Variants in HOMER2 observed in about 807,000 individuals in gnomAD.
HOMER2 encodes homer protein homolog 2.
Under a neutral mutation model 47.0 loss-of-function variants are expected in HOMER2, and 27 were observed. The observed-to-expected ratio is 0.57, with a 90% CI of 0.42 to 0.79. The LOEUF is 0.79. Among genes scored for constraint, HOMER2 ranks in the 30% least tolerant of loss-of-function variants. HOMER2 has a pLI of 0.00. For missense variants in HOMER2, 443 were observed against 435.0 expected (o/e 1.02, Z -0.16); for synonymous variants, 161 against 163.8 (o/e 0.98, Z 0.13).
intron 1 of HOMER2, among the ~76,000 whole-genome samples, chr15:82,921,465 T>C (rs17158157): frequency 0.15 from 22,628 of 152,054 alleles, 2,147 homozygotes; most frequent in East Asian, 0.5. Flanking sequence ...GATACCATGC[T>C]TCCAAATACC....
chr15:82,841,686 T>G (rs948294288), exon 2 of HOMER2: 1 of 152,202 alleles, frequency 6.6e-6, no homozygotes, highest in Admixed American at 6.5e-5. Flanking sequence ...CCAGAACTAT[T>G]ACCCAACTGA....
intron 1 of HOMER2, among the ~76,000 whole-genome samples, chr15:82,895,850 C>G (rs1268681534): frequency 6.6e-6 from 1 of 152,164 alleles, no homozygotes; most frequent in Non-Finnish European, 1.5e-5. Context: ...CCATCCTAGC[C>G]CCCCTTGAAC....
At chr15:82,952,962 C>A (rs1005999469), upstream of HOMER2, among the ~76,000 whole-genome samples, 1 of 152,194 alleles carries the variant, frequency 6.6e-6, no homozygotes, top group African/African-American at 2.4e-5. Context: ...CCACGCCGAC[C>A]CGGGGCCCTG....
chr15:82,914,178 T>TACACACAC lies in HOMER2; in HGVS notation c.6-21345_6-21338dup, dbSNP rs58323062. ...GGTGAAACCCCATCTCTACTAAAAA[T>TACACACAC]ACACACACACACACACACACACACA... On this transcript the variant is annotated intron_variant, in intron 1 of 8. Coordinates refer to ENST00000450735, the MANE Select transcript of HOMER2 (RefSeq NM_004839.4). 3.5e-3 allele frequency among the ~76,000 whole-genome samples: 404 copies of TACACACAC among 116,796 alleles called. 4 individuals are homozygous for TACACACAC. The highest frequency in any genetic ancestry group is 9.8e-3 in the East Asian group (36 of 3,686). 76.6% of individuals were successfully genotyped at this position (116,796 alleles called of 152,430 possible).
chr15:82,962,944 C>A (rs1023147165), intron 1 of HOMER2, among the ~76,000 whole-genome samples: 3 of 152,122 alleles, frequency 2.0e-5, no homozygotes, highest in African/African-American at 7.2e-5. Flanking sequence ...TTGACCTTGC[C>A]CAGAGGGGCT....
At chr15:82,923,973 G>A (rs1161932065) in intron 1 of HOMER2, among the ~76,000 whole-genome samples, 1 of 152,176 alleles carries the variant, frequency 6.6e-6, no homozygotes, top group Non-Finnish European at 1.5e-5. Flanking sequence ...GACAGAGCTT[G>A]GCACCCAGGA....
chr15:82,935,558 C>A (rs1200264444), intron 1 of HOMER2, among the ~76,000 whole-genome samples: 1 of 152,156 alleles, frequency 6.6e-6, no homozygotes, highest in African/African-American at 2.4e-5. Context: ...TCCTCCCCAG[C>A]TCCACCTCCA....
At chr15:82,954,367 G>A (rs904485147), upstream of HOMER2, among the ~76,000 whole-genome samples, 2 of 150,836 alleles carry the variant, frequency 1.3e-5, no homozygotes, top group Non-Finnish European at 3.0e-5. Context: ...GCGTGATCTC[G>A]GCTCACTGCA....
chr15:82,956,971 T>C (rs150598776), upstream of HOMER2, among the ~76,000 whole-genome samples: 6 of 152,248 alleles, frequency 3.9e-5, no homozygotes, highest in East Asian at 9.7e-4. Context: ...GATATCTCTT[T>C]GGACTATTAA....
At chr15:82,875,495 T>G in intron 2 of HOMER2, 91 bp from the exon 3 acceptor site, 1 of 1,352,468 alleles carries the variant, frequency 7.4e-7, no homozygotes, top group Non-Finnish European at 1.0e-6. Context: ...AAGCCAGTGC[T>G]TCAAGCCTGT....
chr15:82,868,541 A>ATATATATATATATTTTT, intron 3 of HOMER2, among the ~76,000 whole-genome samples: 4 of 71,266 alleles, frequency 5.6e-5, no homozygotes, highest in East Asian at 3.1e-4. Context: ...ATATATATAT[A>ATATATATATATATTTTT]TTTTTTTTTT....
intron 2 of HOMER2, among the ~76,000 whole-genome samples, chr15:82,880,047 A>G (rs1447397835): frequency 2.6e-5 from 4 of 152,248 alleles, no homozygotes; most frequent in Non-Finnish European, 4.4e-5. Context: ...GATTCTATTC[A>G]TATAAAGGTC....
At chr15:82,894,593 C>A (rs2052840949) in intron 1 of HOMER2, among the ~76,000 whole-genome samples, 1 of 150,884 alleles carries the variant, frequency 6.6e-6, no homozygotes, top group Non-Finnish European at 1.5e-5. Flanking sequence ...ATGGCGTGAA[C>A]CCGGGAGGCA....
intron 2 of HOMER2, among the ~76,000 whole-genome samples, chr15:82,882,068 C>T (rs561339569): frequency 3.3e-5 from 5 of 152,310 alleles, no homozygotes; most frequent in African/African-American, 9.6e-5. Context: ...TGGAGTTGGC[C>T]GTTCTGCCTA....
downstream of HOMER2, chr15:82,835,145 G>GAGAC (rs2051111114): frequency 1.0e-5 from 1 of 99,270 alleles, no homozygotes; most frequent in African/African-American, 3.9e-5. Context: ...TTTTTTTTTT[G>GAGAC]AGACAGAGTC....
chr15:82,909,616 T>C (rs755873825), intron 1 of HOMER2, among the ~76,000 whole-genome samples: 3 of 152,062 alleles, frequency 2.0e-5, no homozygotes, highest in Non-Finnish European at 4.4e-5. Context: ...GGTCATTTAC[T>C]GAAGCTAGGG....
intron 1 of HOMER2, among the ~76,000 whole-genome samples, chr15:82,938,190 G>A (rs1470236788): frequency 6.6e-6 from 1 of 152,062 alleles, no homozygotes. Flanking sequence ...TGGCCAACAT[G>A]GCGAAACCCC....
intron 1 of HOMER2, among the ~76,000 whole-genome samples, chr15:82,962,680 A>T (rs2054641742): frequency 1.3e-5 from 2 of 152,208 alleles, no homozygotes; most frequent in Non-Finnish European, 2.9e-5. Flanking sequence ...CTGTCTCAAA[A>T]AAAAAAGTCC....
At position 82,889,354 on chromosome 15, in the gene HOMER2, G is replaced by A. The variant is rs147785065; in HGVS notation, c.162+3331C>T. ...CCACGGCATGCATGAGGCCTGGGAC[G>A]TGCAGCTGGGCAGGGAGCAGAGCTC... On this transcript the variant is annotated intron_variant, in intron 2 of 8. Coordinates refer to ENST00000450735, the MANE Select transcript of HOMER2 (RefSeq NM_004839.4). 7.4e-4 allele frequency among the ~76,000 whole-genome samples: 112 copies of A among 152,356 alleles called. 1 individual carries two copies. The East Asian group carries it at 0.019, about 25-fold the overall frequency.
Sources: gnomAD v4.1 joint callset for allele counts (sites outside exome capture counted in the v4.1 genomes callset) on GRCh38, gnomAD v4.1.1 for gene constraint, MANE v1.5 for transcripts, NCBI Gene and HGNC (gene_info 2026-07-23, HGNC 2026-07-21) for gene names.